ELMOD1: variants seen among roughly 807,000 people sequenced by gnomAD.
The protein encoded by ELMOD1 is ELMO domain containing 1, also known as ELMO domain-containing protein 1.
ELMOD1 carries 21 observed loss-of-function variants against 46.7 expected under a neutral mutation model. The ratio of observed to expected loss-of-function variants is 0.45; its 90% confidence interval spans 0.32 to 0.65. The LOEUF (loss-of-function observed/expected upper bound fraction) is 0.65. ELMOD1 is among the 30% of genes least tolerant of loss of function. The probability of loss-of-function intolerance (pLI) is 0.04; values close to 1 mark genes in which losing one functional copy is unlikely to be tolerated. For synonymous variants in ELMOD1, 122 were observed against 138.2 expected (o/e 0.88, Z 0.82); for missense variants, 348 against 407.8 (o/e 0.85, Z 1.26).
chr11:107,604,592 G>A (rs1205148761), intron 1 of ELMOD1, among the ~76,000 whole-genome samples: 2 of 152,230 alleles, frequency 1.3e-5, no homozygotes, highest in African/African-American at 4.8e-5. Flanking sequence ...TTAATTGGCA[G>A]CATTTTGTTT....
chr11:107,613,920 G>C (rs1432615288), intron 1 of ELMOD1, among the ~76,000 whole-genome samples: 2 of 152,098 alleles, frequency 1.3e-5, no homozygotes, highest in Non-Finnish European at 2.9e-5. Flanking sequence ...TTTCCAACCT[G>C]TGTTGTCTTC....
At chr11:107,634,437 T>A (rs545611227) in intron 5 of ELMOD1, among the ~76,000 whole-genome samples, 3 of 152,052 alleles carry the variant, frequency 2.0e-5, no homozygotes, top group South Asian at 4.2e-4. Flanking sequence ...CTGAGAACGA[T>A]CATAAAACAT....
intron 1 of ELMOD1, among the ~76,000 whole-genome samples, chr11:107,610,658 A>G (rs1865761173): frequency 6.8e-6 from 1 of 147,994 alleles, no homozygotes; most frequent in Non-Finnish European, 1.5e-5. Flanking sequence ...GTGAGATCCT[A>G]TCTAAAAAAA....
intron 1 of ELMOD1, chr11:107,591,864 G>A (rs1404201226): frequency 6.2e-6 from 3 of 481,414 alleles, no homozygotes; most frequent in Non-Finnish European, 8.6e-6. Context: ...CTAGGCAGCC[G>A]GGCTGCGGGG....
intron 2 of ELMOD1, among the ~76,000 whole-genome samples, chr11:107,620,813 G>A (rs570892846): frequency 7.2e-4 from 109 of 152,284 alleles, no homozygotes; most frequent in South Asian, 2.7e-3. Context: ...AAGGTGAGCC[G>A]AGATAATGCC....
intron 2 of ELMOD1, chr11:107,625,636 G>T: frequency 1.1e-6 from 1 of 892,926 alleles, no homozygotes; most frequent in Non-Finnish European, 1.3e-6. Flanking sequence ...CTAACAAAGC[G>T]CCACAAGACC....
chr11:107,596,380 A>G (rs1251319014), intron 1 of ELMOD1, among the ~76,000 whole-genome samples: 3 of 152,136 alleles, frequency 2.0e-5, no homozygotes, highest in Admixed American at 1.3e-4. Context: ...TAAAATGTGA[A>G]TTAATCAATC....
At chr11:107,593,837 T>C (rs757531648) in intron 1 of ELMOD1, among the ~76,000 whole-genome samples, 4 of 152,230 alleles carry the variant, frequency 2.6e-5, no homozygotes, top group Non-Finnish European at 4.4e-5. Flanking sequence ...CTGGAAATGT[T>C]TCATTCCTCC....
At chr11:107,650,758 C>G (rs1176992437) in intron 8 of ELMOD1, 127 bp from the exon 9 acceptor site, 1 of 682,884 alleles carries the variant, frequency 1.5e-6, no homozygotes, top group Non-Finnish European at 2.3e-6. Context: ...GTTAAGAAGT[C>G]AGGGACCAAG....
intron 1 of ELMOD1, chr11:107,592,137 T>C: frequency 1.6e-5 from 6 of 378,038 alleles, no homozygotes; most frequent in Middle Eastern, 3.9e-4. Context: ...TACGGGCTGT[T>C]CTGACTCAGT....
At chr11:107,591,946 C>T (rs896605975) in intron 1 of ELMOD1, 1 of 517,396 alleles carries the variant, frequency 1.9e-6, no homozygotes. Context: ...GCTGCGCCTC[C>T]TCCAACTGCT....
At position 107,650,328 on chromosome 11, in the gene ELMOD1, G is replaced by C. The variant is rs568688091; in HGVS notation, c.555-7G>C. ...AGAGTTACGGTTTTCTTTCCCTCCC[G>C]CTGCAGGTATTTCGCGGAAAGGGAT... On this transcript the variant is annotated splice_polypyrimidine_tract_variant and splice_region_variant and intron_variant, in intron 7 of 11. Coordinates refer to ENST00000265840, the MANE Select transcript of ELMOD1 (RefSeq NM_018712.4). The C allele has an allele frequency of 1.3e-6, 2 of 1,569,156 alleles. No homozygotes were observed. Among genetic ancestry groups the C allele is most frequent in the Non-Finnish European group, 1.7e-6 (2 of 1,154,204 alleles).
chr11:107,640,871 C>G (rs1866309216), intron 6 of ELMOD1, among the ~76,000 whole-genome samples: 1 of 152,130 alleles, frequency 6.6e-6, no homozygotes, highest in Non-Finnish European at 1.5e-5. Context: ...AAATGTATGA[C>G]CATTCATCAA....
In ELMOD1 at chr11:107,618,226, T is replaced by C. The variant is rs1287411468; in HGVS notation, c.17+20T>C. ...CCTGAGGTATGTGTTTACGGTTCCC[T>C]GGCTGAGCCCTCTGCAGTGGGAGAA... On this transcript the variant is annotated intron_variant, in intron 2 of 11. Transcript: ENST00000265840. 1 of 1,558,202 alleles carries C rather than the reference T, an allele frequency of 6.4e-7. No individual in the cohort carries two copies. Among genetic ancestry groups the C allele is most frequent in the Non-Finnish European group, 8.7e-7 (1 of 1,150,274 alleles).
In ELMOD1 at chr11:107,647,430, G is replaced by C. The variant is rs375000180; in HGVS notation, c.421-38G>C. 3.8e-6 allele frequency: 6 copies of C among 1,591,686 alleles called. No homozygotes were observed. In the African/African-American group the frequency reaches 5.4e-5, roughly 14 times the overall value. ...ACAAAATCTGAACCAATAGGAAAGGGTGTATCAACAGAGTAATCCTTTTTT... is the reference window on the plus strand; with the variant it reads ...ACAAAATCTGAACCAATAGGAAAGGCTGTATCAACAGAGTAATCCTTTTTT... On this transcript the variant is annotated intron_variant, in intron 6 of 11. Transcript: ENST00000265840.
intron 11 of ELMOD1, among the ~76,000 whole-genome samples, chr11:107,659,171 A>G (rs994098881): frequency 6.6e-6 from 1 of 152,184 alleles, no homozygotes; most frequent in African/African-American, 2.4e-5. Context: ...CTGGAAGCCT[A>G]AGAGCAGGTT....
intron 1 of ELMOD1, among the ~76,000 whole-genome samples, chr11:107,601,341 G>T (rs1865594185): frequency 7.2e-6 from 1 of 139,324 alleles, no homozygotes; most frequent in African/African-American, 2.7e-5. Flanking sequence ...CTTTTTTTTT[G>T]CACAACTTTT....
intron 1 of ELMOD1, among the ~76,000 whole-genome samples, chr11:107,595,288 T>C (rs1003145878): frequency 3.3e-5 from 5 of 152,130 alleles, no homozygotes; most frequent in Admixed American, 3.3e-4. Context: ...AACTTATAAC[T>C]AAGTAGCTCA....
In ELMOD1 at chr11:107,665,017, T is replaced by G; in HGVS notation, c.833-8T>G. 1 of 1,610,476 alleles carries G rather than the reference T, an allele frequency of 6.2e-7. No individual in the cohort carries two copies. The highest frequency in any genetic ancestry group is 8.5e-7 in the Non-Finnish European group (1 of 1,177,858). On this transcript the variant is annotated splice_region_variant and splice_polypyrimidine_tract_variant and intron_variant, in intron 11 of 11. Transcript: ENST00000265840. ...CCTGCATTCTTATCATTGTATTGTC[T>G]CCAACAGGCTATTTGATGCATGAAT...
Sources: gnomAD v4.1 joint callset for allele counts (sites outside exome capture counted in the v4.1 genomes callset) on GRCh38, gnomAD v4.1.1 for gene constraint, MANE v1.5 for transcripts, NCBI Gene and HGNC (gene_info 2026-07-23, HGNC 2026-07-21) for gene names.